The following PCDHA3 variants were observed in gnomAD, a reference collection of about 807,000 sequenced individuals.
PCDHA3 encodes protocadherin alpha 3.
PCDHA3 carries 41 observed loss-of-function variants against 62.2 expected under a neutral mutation model. The observed-to-expected ratio is 0.66, with a 90% CI of 0.51 to 0.86. The LOEUF is 0.86. Ranked by LOEUF, PCDHA3 falls within the 40% of genes least tolerant of loss-of-function variation. The probability of loss-of-function intolerance (pLI) is 0.00; values close to 1 mark genes in which losing one functional copy is unlikely to be tolerated. For missense variants in PCDHA3, 1,304 were observed against 1,241.2 expected (o/e 1.05, Z -0.76); for synonymous variants, 640 against 555.4 (o/e 1.15, Z -2.14).
chr5:140,803,166 C>A lies in PCDHA3; in HGVS notation c.1969C>A (p.Pro657Thr). Residue 657 changes from proline to threonine, a missense_variant, in exon 1 of 4, where the codon CCC (proline) becomes ACC (threonine). Pro to Thr is a conservative substitution (Grantham distance 38, BLOSUM62 -1). Coordinates refer to ENST00000522353, the MANE Select transcript of PCDHA3 (RefSeq NM_018906.3). The stretch of plus-strand genomic sequence containing the variant: ...GGTGCTGGTGAAGGACCACGGTGAA[C>A]CCTCATTGACCGCCACGGCCACTGT... ...LLVLVKDHGE[P>T]SLTATATVLV... 1 of 1,613,914 alleles carries A rather than the reference C, an allele frequency of 6.2e-7. No individual in the cohort carries two copies. Among genetic ancestry groups the A allele is most frequent in the South Asian group, 1.1e-5 (1 of 91,086 alleles).
intron 1 of PCDHA3, among the ~76,000 whole-genome samples, chr5:140,845,933 C>T (rs1174545487): frequency 6.7e-6 from 1 of 149,546 alleles, no homozygotes; most frequent in African/African-American, 2.5e-5. Flanking sequence ...GTAAAACTAT[C>T]TTCTGTAAAG....
In PCDHA3 at chr5:140,802,029, G is replaced by T. The variant is rs1554121830; in HGVS notation, c.832G>T (p.Ala278Ser). ...GGATGAAGGAGTAAATAAGGATATC[G>T]CGTATTCTTTCAATACGGACATGTC... ...DLDEGVNKDI[A>S]YSFNTDMSAD... The change falls in exon 1 of 4, where the codon GCG becomes TCG. Residue 278 changes from alanine (A) to serine (S), a missense_variant. By Grantham distance (99) the Ala-to-Ser change is moderately conservative (BLOSUM62 1). Transcript: ENST00000522353. The T allele has an allele frequency of 6.2e-7, 1 of 1,614,164 alleles. No individual in the cohort carries two copies. Among genetic ancestry groups the T allele is most frequent in the Admixed American group, 1.7e-5 (1 of 60,022 alleles).
intron 1 of PCDHA3, chr5:140,966,656 G>A: frequency 8.3e-7 from 1 of 1,203,372 alleles, no homozygotes; most frequent in East Asian, 3.0e-5. Flanking sequence ...GTGAGCGGTG[G>A]GGGAGCAGGC....
rs192388233 is a variant in PCDHA3 at position 140,869,206 on chromosome 5, G to C, written c.2394+65615G>C. 4,858 of 1,613,972 alleles carry C rather than the reference G, an allele frequency of 3.0e-3. 14 individuals carry two copies. The highest frequency in any genetic ancestry group is 3.0e-3 in the Non-Finnish European group (3,497 of 1,179,950). On this transcript the variant is annotated intron_variant, in intron 1 of 3. Transcript: ENST00000522353. ...GGGGAGCGGCCAGCTCCACTACTCC[G>C]TCTCGGAGGAGGCCAAACACGGCAC...
At chr5:140,863,736 T>C (rs2048147573) in intron 1 of PCDHA3, 1 of 249,698 alleles carries the variant, frequency 4.0e-6, no homozygotes. Context: ...AGCTCATGCC[T>C]ATTTGTAATC....
At chr5:140,869,799 C>T (rs781959839) in intron 1 of PCDHA3, 1 of 1,612,706 alleles carries the variant, frequency 6.2e-7, no homozygotes, top group Non-Finnish European at 8.5e-7. Flanking sequence ...TAGTCCAAGT[C>T]TTGGATGTCA....
intron 1 of PCDHA3, chr5:140,835,485 G>A (rs371322976): frequency 6.2e-7 from 1 of 1,613,896 alleles, no homozygotes; most frequent in Non-Finnish European, 8.5e-7. Flanking sequence ...ACCAGGTACC[G>A]TCATCACATT....
chr5:140,877,697 C>T (rs2057290837), intron 1 of PCDHA3: 15 of 1,613,794 alleles, frequency 9.3e-6, no homozygotes, highest in Non-Finnish European at 1.3e-5. Flanking sequence ...CTGGTGTGCT[C>T]CAGCGCCGTG....
intron 1 of PCDHA3, chr5:140,851,823 G>GT (rs1343370929): frequency 9.3e-6 from 9 of 962,984 alleles, no homozygotes; most frequent in South Asian, 4.8e-5. Context: ...ACAGAAATCT[G>GT]TTTTTTTAAA....
chr5:140,857,882 T>A, intron 1 of PCDHA3: 1 of 1,597,334 alleles, frequency 6.3e-7, no homozygotes, highest in Non-Finnish European at 8.6e-7. Flanking sequence ...TGAATTGCAG[T>A]CGGCGGCGGT....
At chr5:140,934,957 G>A (rs2090122349) in intron 1 of PCDHA3, among the ~76,000 whole-genome samples, 1 of 152,250 alleles carries the variant, frequency 6.6e-6, no homozygotes, top group Non-Finnish European at 1.5e-5. Context: ...GATCCCATGT[G>A]CTTGTCACCC....
chr5:140,929,324 T>A (rs781810168), intron 1 of PCDHA3: 1 of 1,540,130 alleles, frequency 6.5e-7, no homozygotes, highest in African/African-American at 1.4e-5. Flanking sequence ...GTCAATGCCA[T>A]GGTAAGCAAA....
chr5:140,989,893 A>T (rs1436233809), intron 3 of PCDHA3, among the ~76,000 whole-genome samples: 1 of 151,928 alleles, frequency 6.6e-6, no homozygotes, highest in Non-Finnish European at 1.5e-5. Context: ...AGTCTCCGTT[A>T]TTCACAATCA....
chr5:140,814,664 A>C (rs2126657660), intron 1 of PCDHA3: 4 of 151,244 alleles, frequency 2.6e-5, no homozygotes, highest in African/African-American at 9.9e-5. Flanking sequence ...CACCACAAAC[A>C]TGTGAGTAAT....
At chr5:140,920,133 C>T (rs1463322279) in intron 1 of PCDHA3, among the ~76,000 whole-genome samples, 1 of 152,178 alleles carries the variant, frequency 6.6e-6, no homozygotes, top group African/African-American at 2.4e-5. Flanking sequence ...AGTTTTAATT[C>T]TCCTCTCCAA....
In PCDHA3 at chr5:140,850,201, G is replaced by A. The variant is rs202136378; in HGVS notation, c.2394+46610G>A. The A allele has an allele frequency of 1.6e-5, 25 of 1,593,494 alleles. 3 individuals carry two copies. Among genetic ancestry groups the A allele is most frequent in the Middle Eastern group, 2.1e-4 (1 of 4,666 alleles). On this transcript the variant is annotated intron_variant, in intron 1 of 3. Coordinates refer to ENST00000522353, the MANE Select transcript of PCDHA3 (RefSeq NM_018906.3). ...AATGCGCCGGCGCTGCTGACACCTC[G>A]GATGAGGGGCACTGACGGCGCAGTG...
At chr5:140,896,148 G>A (rs1185038418) in intron 1 of PCDHA3, among the ~76,000 whole-genome samples, 1 of 152,162 alleles carries the variant, frequency 6.6e-6, no homozygotes, top group Non-Finnish European at 1.5e-5. Flanking sequence ...CACCATTGAT[G>A]GGCATTTAGG....
At chr5:140,993,310 A>G (rs1013688133) in intron 3 of PCDHA3, among the ~76,000 whole-genome samples, 2 of 152,038 alleles carry the variant, frequency 1.3e-5, no homozygotes, top group African/African-American at 4.8e-5. Context: ...CTCCAGGATA[A>G]TACCTTCTAA....
intron 1 of PCDHA3, chr5:140,876,828 G>T: frequency 1.2e-6 from 2 of 1,614,170 alleles, no homozygotes; most frequent in Non-Finnish European, 1.7e-6. Context: ...ACGACAATGC[G>T]CCTGCGTTCG....
Sources: gnomAD v4.1 joint callset for allele counts (sites outside exome capture counted in the v4.1 genomes callset) on GRCh38, gnomAD v4.1.1 for gene constraint, MANE v1.5 for transcripts, NCBI Gene and HGNC (gene_info 2026-07-23, HGNC 2026-07-21) for gene names.